The following ZNF423 variants were observed in gnomAD, a reference collection of about 807,000 sequenced individuals.
ZNF423 encodes the protein Ebf-associated zinc finger protein.
A neutral mutation model predicts 95.8 loss-of-function variants in ZNF423; 12 were observed. That is an observed-to-expected ratio of 0.13 (90% CI 0.08 to 0.20). The LOEUF (loss-of-function observed/expected upper bound fraction) is 0.20, where lower values mean the gene tolerates loss of function less well. Among genes scored for constraint, ZNF423 ranks in the 10% least tolerant of loss-of-function variants. ZNF423 has a pLI of 1.00. For missense variants in ZNF423, 1,316 were observed against 1,737.1 expected (o/e 0.76, Z 4.31); for synonymous variants, 749 against 711.9 (o/e 1.05, Z -0.83).
upstream of ZNF423, among the ~76,000 whole-genome samples, chr16:49,856,761 C>A (rs1318058749): frequency 6.8e-6 from 1 of 148,074 alleles, no homozygotes; most frequent in South Asian, 2.1e-4. Flanking sequence ...TGCGCCGGGC[C>A]GCCGCTGCCT....
chr16:49,723,058 C>A (rs2032912546), intron 3 of ZNF423, among the ~76,000 whole-genome samples: 2 of 150,584 alleles, frequency 1.3e-5, no homozygotes, highest in South Asian at 4.2e-4. Context: ...TGGGTTCATG[C>A]CATTCTCCTG....
At chr16:49,620,289 C>T (rs1972025166) in intron 5 of ZNF423, among the ~76,000 whole-genome samples, 1 of 152,036 alleles carries the variant, frequency 6.6e-6, no homozygotes, top group Admixed American at 6.6e-5. Context: ...TTGGCCAGGG[C>T]CAGTCCTGCC....
chr16:49,547,765 G>A (rs1020417956), intron 5 of ZNF423, among the ~76,000 whole-genome samples: 3 of 152,216 alleles, frequency 2.0e-5, no homozygotes, highest in Non-Finnish European at 4.4e-5. Flanking sequence ...CGCTCTTGAC[G>A]ATAATGGCTT....
intron 3 of ZNF423, among the ~76,000 whole-genome samples, chr16:49,663,434 T>C (rs987399606): frequency 1.3e-5 from 2 of 151,656 alleles, no homozygotes; most frequent in African/African-American, 4.8e-5. Context: ...TCAGGAATCA[T>C]AGTCTGGCAT....
At chr16:49,589,885 G>A (rs529054551) in intron 5 of ZNF423, among the ~76,000 whole-genome samples, 3 of 152,038 alleles carry the variant, frequency 2.0e-5, no homozygotes, top group South Asian at 4.2e-4. Flanking sequence ...GGTAGGCTCC[G>A]CAGACCTTGG....
intron 3 of ZNF423, among the ~76,000 whole-genome samples, chr16:49,688,197 G>C (rs1277224234): frequency 6.6e-6 from 1 of 151,960 alleles, no homozygotes; most frequent in Non-Finnish European, 1.5e-5. Flanking sequence ...CAGAAAAAAG[G>C]ATTGCCCAGG....
At chr16:49,593,235 C>T (rs1395640763) in intron 5 of ZNF423, among the ~76,000 whole-genome samples, 1 of 152,100 alleles carries the variant, frequency 6.6e-6, no homozygotes, top group Non-Finnish European at 1.5e-5. Flanking sequence ...GAGTTCAAGA[C>T]CAGCCTGGGC....
At chr16:49,674,398 T>C (rs2030953023) in intron 3 of ZNF423, among the ~76,000 whole-genome samples, 1 of 152,138 alleles carries the variant, frequency 6.6e-6, no homozygotes, top group African/African-American at 2.4e-5. Context: ...ATCCTGGCCA[T>C]GTGCATACGT....
At chr16:49,735,594 G>A (rs887468713) in intron 2 of ZNF423, among the ~76,000 whole-genome samples, 15 of 152,208 alleles carry the variant, frequency 9.9e-5, no homozygotes, top group African/African-American at 3.6e-4. Context: ...GGATGCAACA[G>A]AAGTGCTATT....
intron 2 of ZNF423, among the ~76,000 whole-genome samples, chr16:49,782,932 T>C (rs2034236935): frequency 7.0e-6 from 1 of 143,088 alleles, no homozygotes; most frequent in Non-Finnish European, 1.5e-5. Flanking sequence ...GAGACCAACC[T>C]GGGCAACATA....
At chr16:49,803,419 A>G (rs569610994) in intron 1 of ZNF423, among the ~76,000 whole-genome samples, 35 of 152,290 alleles carry the variant, frequency 2.3e-4, no homozygotes, top group South Asian at 1.5e-3. Context: ...CAACACATGT[A>G]TGGTCACAAG....
intron 7 of ZNF423, among the ~76,000 whole-genome samples, chr16:49,513,088 A>G (rs956878839): frequency 1.3e-5 from 2 of 152,012 alleles, no homozygotes; most frequent in Non-Finnish European, 2.9e-5. Flanking sequence ...ACCGAGTGAG[A>G]CTCTGTCTCA....
intron 5 of ZNF423, among the ~76,000 whole-genome samples, chr16:49,583,249 T>C (rs1567483346): frequency 6.6e-6 from 1 of 152,226 alleles, no homozygotes; most frequent in Non-Finnish European, 1.5e-5. Flanking sequence ...TCATTTCCTG[T>C]ATGTTCCTAT....
At position 49,636,776 on chromosome 16, in the gene ZNF423, G is replaced by T; in HGVS notation, c.2400C>A (p.Thr800=). The T allele has an allele frequency of 1.9e-6, 3 of 1,614,044 alleles. No individual in the cohort carries two copies. The highest frequency in any genetic ancestry group is 2.5e-6 in the Non-Finnish European group (3 of 1,179,978). The change falls in exon 4 of 8, where the codon ACC becomes ACA. Residue 800 remains threonine, a synonymous_variant. Transcript: ENST00000563137. The surrounding 1 kb of genome is among the most constrained non-coding windows in gnomAD (Gnocchi z 8.6). ...KCIFCGETFS[T]EVELQCHITT... is the part of the protein sequence containing the mutation. ...TGATGTGGCACTGCAGCTCCACCTC[G>T]GTGCTGAAGGTCTCCCCACAGAAGA...
At chr16:49,761,144 T>C (rs927989565) in intron 2 of ZNF423, among the ~76,000 whole-genome samples, 10 of 152,186 alleles carry the variant, frequency 6.6e-5, no homozygotes, top group Admixed American at 3.3e-4. Context: ...CCCAGGTTAC[T>C]TGCCCTCTCT....
At chr16:49,503,229 C>T (rs537171124) in intron 7 of ZNF423, among the ~76,000 whole-genome samples, 36 of 152,298 alleles carry the variant, frequency 2.4e-4, no homozygotes, top group African/African-American at 7.2e-4. Context: ...CTGCCCAGGA[C>T]GCAAGGGCCC....
chr16:49,794,006 T>C (rs1381940737), intron 1 of ZNF423, among the ~76,000 whole-genome samples: 1 of 135,266 alleles, frequency 7.4e-6, no homozygotes, highest in African/African-American at 2.9e-5. Flanking sequence ...GACCTCTCTG[T>C]CTCTGTCTGT....
In ZNF423 at chr16:49,731,202, G is replaced by A. The variant is rs545989483; in HGVS notation, c.101-231C>T. 6.5e-5 allele frequency: 38 copies of A among 583,592 alleles called. No individual in the cohort carries two copies. In the African/African-American group the frequency reaches 7.7e-4, roughly 12 times the overall value. 36.2% of individuals were successfully genotyped at this position (583,592 alleles called of 1,614,324 possible). A position where few individuals can be genotyped will look rare whatever the true frequency, so the allele number is the denominator to read the frequency against. On this transcript the variant is annotated intron_variant, in intron 2 of 7. Transcript: ENST00000563137. ...TGCAAATCTTCTAGGGGGATTTCCT[G>A]TCATCTCCCCTCTGTGCACGGATGC...
intron 5 of ZNF423, among the ~76,000 whole-genome samples, chr16:49,592,030 TG>T (rs1319565153): frequency 6.6e-6 from 1 of 152,272 alleles, no homozygotes; most frequent in African/African-American, 2.4e-5. Flanking sequence ...TAAGCTTTTC[TG>T]TATGTAATGC....
Sources: gnomAD v4.1 joint callset for allele counts (sites outside exome capture counted in the v4.1 genomes callset) on GRCh38, gnomAD v4.1.1 for gene constraint, Gnocchi (gnomAD v3.1) non-coding constraint, MANE v1.5 for transcripts, NCBI Gene and HGNC (gene_info 2026-07-23, HGNC 2026-07-21) for gene names.